The following A1CF variants were observed in gnomAD, a reference collection of about 807,000 sequenced individuals.
The protein encoded by A1CF is APOBEC-1 stimulating protein.
In A1CF, 48 loss-of-function variants were observed where a neutral mutation model predicts 68.9. That is an observed-to-expected ratio of 0.70 (90% CI 0.55 to 0.89). The LOEUF is 0.89. Among genes scored for constraint, A1CF ranks in the 40% least tolerant of loss-of-function variants. The probability of loss-of-function intolerance (pLI) is 0.00; values close to 1 mark genes in which losing one functional copy is unlikely to be tolerated. For synonymous variants in A1CF, 272 were observed against 260.4 expected (o/e 1.04, Z -0.43); for missense variants, 653 against 718.9 (o/e 0.91, Z 1.05).
chr10:50,858,889 G>T (rs781417573), intron 3 of A1CF, among the ~76,000 whole-genome samples: 1 of 151,838 alleles, frequency 6.6e-6, no homozygotes, highest in Non-Finnish European at 1.5e-5. Flanking sequence ...AAAGACTAAC[G>T]CTCTTCATTA....
At chr10:50,884,122 C>A (rs1373762901) in intron 1 of A1CF, among the ~76,000 whole-genome samples, 1 of 151,930 alleles carries the variant, frequency 6.6e-6, no homozygotes, top group African/African-American at 2.4e-5. Context: ...AGTTGCTTTT[C>A]TTTTGAGCCA....
intron 1 of A1CF, among the ~76,000 whole-genome samples, chr10:50,868,858 T>C (rs1424117039): frequency 6.6e-6 from 1 of 152,142 alleles, no homozygotes; most frequent in East Asian, 1.9e-4. Context: ...ATCTTTAAAA[T>C]TGTGGAACCT....
chr10:50,816,148 T>C lies in A1CF; in HGVS notation c.999A>G (p.Gln333=), dbSNP rs777710365. 1.2e-6 allele frequency: 2 copies of C among 1,613,844 alleles called. No homozygotes were observed. Among genetic ancestry groups the C allele is most frequent in the Non-Finnish European group, 8.5e-7 (1 of 1,179,880 alleles). The change falls in exon 9 of 13, where the codon CAA becomes CAG. Residue 333 remains glutamine (Q), a synonymous_variant. Transcript: ENST00000373997. ...GGTAGGTTGTGGTGGGATCATAAAC[T>C]TGGCCCAAAGAGTAGGTATACTCTC... The part of the protein sequence containing the change: ...LQGEYTYSLG[Q]VYDPTTTYLG...
At chr10:50,872,128 C>CTT (rs10628628) in intron 1 of A1CF, among the ~76,000 whole-genome samples, 7,588 of 151,946 alleles carry the variant, frequency 0.05, 617 homozygotes, top group African/African-American at 0.17. Flanking sequence ...AGCTTATAAA[C>CTT]ATGATTTAAA....
At chr10:50,810,801 C>A (rs187007869) in intron 11 of A1CF, among the ~76,000 whole-genome samples, 1 of 152,340 alleles carries the variant, frequency 6.6e-6, no homozygotes, top group Admixed American at 6.5e-5. Flanking sequence ...TTTTACACTA[C>A]TGACTGTTAT....
rs941293191 is a variant in A1CF, at chr10:50,878,123, A to G, written c.-94+7458T>C. On this transcript the variant is annotated intron_variant, in intron 1 of 12. Coordinates refer to ENST00000373997, the MANE Select transcript of A1CF (RefSeq NM_014576.4). ...GGTGACAGAGTGAGACTCCATCTCAAAAAGAAAAAAAAGAAAAAAAGAGAA... is the reference window on the plus strand; with the variant it reads ...GGTGACAGAGTGAGACTCCATCTCAGAAAGAAAAAAAAGAAAAAAAGAGAA... Among the ~76,000 whole-genome samples, 11 of 152,210 alleles carry G rather than the reference A, an allele frequency of 7.2e-5. No homozygotes were observed. In the East Asian group the frequency reaches 1.9e-3, roughly 27 times the overall value.
chr10:50,849,417 A>G (rs990598997), intron 3 of A1CF, among the ~76,000 whole-genome samples: 4 of 152,194 alleles, frequency 2.6e-5, no homozygotes, highest in Non-Finnish European at 4.4e-5. Context: ...AGATGTATGC[A>G]ACTTGAATGC....
intron 1 of A1CF, among the ~76,000 whole-genome samples, chr10:50,877,611 G>T (rs1841571066): frequency 6.6e-6 from 1 of 152,174 alleles, no homozygotes; most frequent in South Asian, 2.1e-4. Context: ...TATTTGTTCT[G>T]ATTTTATGCT....
intron 6 of A1CF, among the ~76,000 whole-genome samples, chr10:50,830,041 T>C (rs1839165188): frequency 6.6e-6 from 1 of 152,102 alleles, no homozygotes; most frequent in African/African-American, 2.4e-5. Context: ...TACTTTTTTT[T>C]GGTGGTGATA....
intron 3 of A1CF, among the ~76,000 whole-genome samples, chr10:50,854,528 C>T (rs1840391014): frequency 2.0e-5 from 3 of 151,786 alleles, no homozygotes; most frequent in Admixed American, 2.0e-4. Context: ...GTCCTCATTC[C>T]TCAGGTCAAA....
At chr10:50,862,731 C>T (rs1168312699) in intron 2 of A1CF, among the ~76,000 whole-genome samples, 1 of 152,206 alleles carries the variant, frequency 6.6e-6, no homozygotes, top group Admixed American at 6.5e-5. Context: ...GGAAACTAGT[C>T]TTTCAGATAA....
In A1CF at chr10:50,840,338, T is replaced by G. The variant is rs368674400; in HGVS notation, c.365+1524A>C. ...GTTCCAAACACTGGGTTAAGCACTGTAAAGTTGTTATAGCAATAAACCTAT... is the reference window on the plus strand; with the variant it reads ...GTTCCAAACACTGGGTTAAGCACTGGAAAGTTGTTATAGCAATAAACCTAT... On this transcript the variant is annotated intron_variant, in intron 5 of 12. Transcript: ENST00000373997. Among the ~76,000 whole-genome samples, 53 of 152,192 alleles carry G rather than the reference T, an allele frequency of 3.5e-4. 2 individuals carry two copies. The South Asian group carries it at 1.0e-2, about 29-fold the overall frequency.
rs76887184 is a variant in A1CF at position 50,832,603 on chromosome 10, G to A, written c.604+3471C>T. 6.4e-4 allele frequency among the ~76,000 whole-genome samples: 98 copies of A among 152,300 alleles called. No homozygotes were observed. The East Asian group carries it at 0.015, about 23-fold the overall frequency. The stretch of plus-strand genomic sequence containing the variant: ...CTGGTGAAAGTGAGTGTTACAGAGT[G>A]ATTTGAGAGCATGAGCTAGAAGTAA... On this transcript the variant is annotated intron_variant, in intron 6 of 12. Transcript: ENST00000373997.
chr10:50,884,103 T>C (rs1185088860), intron 1 of A1CF, among the ~76,000 whole-genome samples: 2 of 152,212 alleles, frequency 1.3e-5, no homozygotes, highest in Non-Finnish European at 2.9e-5. Context: ...TCAACTTACT[T>C]GACAATGGAG....
At chr10:50,846,871 C>A (rs1016349288) in intron 3 of A1CF, among the ~76,000 whole-genome samples, 1 of 152,012 alleles carries the variant, frequency 6.6e-6, no homozygotes, top group Non-Finnish European at 1.5e-5. Context: ...TTCAGGGATG[C>A]CCTGTAGTTC....
intron 2 of A1CF, among the ~76,000 whole-genome samples, chr10:50,861,715 A>T (rs963757623): frequency 4.1e-5 from 6 of 147,918 alleles, no homozygotes; most frequent in African/African-American, 1.5e-4. Flanking sequence ...CAATAGTAAT[A>T]TATTGTTATA....
At chr10:50,878,129 A>T (rs1295927866) in intron 1 of A1CF, among the ~76,000 whole-genome samples, 2 of 150,398 alleles carry the variant, frequency 1.3e-5, no homozygotes, top group African/African-American at 4.8e-5. Context: ...CTCAAAAAGA[A>T]AAAAAAGAAA....
intron 3 of A1CF, among the ~76,000 whole-genome samples, chr10:50,851,305 A>G (rs552304817): frequency 4.6e-5 from 7 of 152,310 alleles, no homozygotes; most frequent in African/African-American, 1.7e-4. Context: ...GCTGACTTTG[A>G]TATCATGTTT....
At chr10:50,812,400 C>T (rs907509934) in intron 10 of A1CF, among the ~76,000 whole-genome samples, 3 of 152,156 alleles carry the variant, frequency 2.0e-5, no homozygotes, top group Non-Finnish European at 2.9e-5. Context: ...GAAGGTCAGA[C>T]ACAAATTAAA....
Sources: gnomAD v4.1 joint callset for allele counts (sites outside exome capture counted in the v4.1 genomes callset) on GRCh38, gnomAD v4.1.1 for gene constraint, MANE v1.5 for transcripts, NCBI Gene and HGNC (gene_info 2026-07-23, HGNC 2026-07-21) for gene names.